RSF1: variants seen among roughly 807,000 people sequenced by gnomAD.
RSF1 encodes remodeling and spacing factor 1.
Under a neutral mutation model 145.2 loss-of-function variants are expected in RSF1, and 13 were observed. The ratio of observed to expected loss-of-function variants is 0.09; its 90% confidence interval spans 0.06 to 0.14. The LOEUF is 0.14. Ranked by LOEUF, RSF1 falls within the 10% of genes least tolerant of loss-of-function variation. The pLI is 1.00. For missense variants in RSF1, 1,517 were observed against 1,718.2 expected, an observed-to-expected ratio of 0.88 and a Z score of 2.07; for synonymous variants, 577 against 592.6, an observed-to-expected ratio of 0.97 and a Z score of 0.38.
rs372697102 is a variant in RSF1 at position 77,819,001 on chromosome 11, T to G, written c.187+1527A>C. On this transcript the variant is annotated intron_variant, in intron 1 of 15. Coordinates refer to ENST00000308488, the MANE Select transcript of RSF1 (RefSeq NM_016578.4). The stretch of plus-strand genomic sequence containing the variant: ...ACAGGTAAGAACAGATTACTAGGCT[T>G]ATATTATAACTGCTGTATTAATTTG... 4.9e-3 allele frequency among the ~76,000 whole-genome samples: 754 copies of G among 152,334 alleles called. 9 individuals are homozygous for G. Among genetic ancestry groups the G allele is most frequent in the African/African-American group, 0.017 (709 of 41,572 alleles).
intron 1 of RSF1, among the ~76,000 whole-genome samples, chr11:77,782,366 C>T (rs932923990): frequency 6.6e-6 from 1 of 151,888 alleles, no homozygotes; most frequent in Non-Finnish European, 1.5e-5. Context: ...CATGGCAAAA[C>T]CCCGTCTCTA....
At position 77,725,590 on chromosome 11, in the gene RSF1, A is replaced by C; in HGVS notation, c.688T>G (p.Leu230Val). 1 of 1,607,722 alleles carries C rather than the reference A, an allele frequency of 6.2e-7. No individual in the cohort carries two copies. The highest frequency in any genetic ancestry group is 1.3e-5 in the African/African-American group (1 of 74,880). ...TCTTTTTTAGTCTCCTCATCCTCTA[A>C]GCTGGGACTTTCCCGAGAAGAGTTG... ...QDNSSRESPSLEDEETKKEEE... is the reference protein window; with the variant it reads ...QDNSSRESPSVEDEETKKEEE... The change falls in exon 5 of 16, where the codon TTA becomes GTA. Residue 230 changes from leucine to valine, a missense_variant. Leu to Val is a conservative substitution (Grantham distance 32). Around this residue, in one of 12 missense-constraint regions of RSF1, gnomAD observed 207 missense variants for 191.4 expected, o/e 1.08. Transcript: ENST00000308488.
In RSF1 at chr11:77,700,710, A is replaced by AC; in HGVS notation, c.2508+10dup. ...ACAAATATTTTTAATTAAAGTTAAG[A>AC]CAAGTTTTACCTTGCTTACTTTAGA... On this transcript the variant is annotated intron_variant, in intron 6 of 15. Coordinates refer to ENST00000308488, the MANE Select transcript of RSF1 (RefSeq NM_016578.4). The AC allele has an allele frequency of 6.5e-7, 1 of 1,539,836 alleles. No individual in the cohort carries two copies. The highest frequency in any genetic ancestry group is 8.7e-7 in the Non-Finnish European group (1 of 1,151,072).
At chr11:77,869,712 C>T in the RSF1 span, 29 of 1,612,994 alleles carry the variant, frequency 1.8e-5, no homozygotes, top group Admixed American at 3.0e-4. Flanking sequence ...CTTTCTCTTT[C>T]CACATCCAGC....
chr11:77,857,489 T>C, the RSF1 span, among the ~76,000 whole-genome samples: 1 of 152,198 alleles, frequency 6.6e-6, no homozygotes, highest in African/African-American at 2.4e-5. Context: ...TGTAGGAAGC[T>C]CTAAAGTCAT....
chr11:77,810,388 T>C (rs188702015), intron 1 of RSF1, among the ~76,000 whole-genome samples: 1 of 152,224 alleles, frequency 6.6e-6, no homozygotes, highest in Non-Finnish European at 1.5e-5. Context: ...TATAATGTCA[T>C]CACCTTGTTA....
chr11:77,726,735 G>C (rs1590852567), intron 4 of RSF1, among the ~76,000 whole-genome samples: 1 of 152,240 alleles, frequency 6.6e-6, no homozygotes, highest in Non-Finnish European at 1.5e-5. Context: ...CTGATTCAAA[G>C]TGAAAACTGT....
At chr11:77,669,946 CTGCAAGA>C (rs1959476544) in intron 15 of RSF1, among the ~76,000 whole-genome samples, 1 of 152,136 alleles carries the variant, frequency 6.6e-6, no homozygotes, top group South Asian at 2.1e-4. Context: ...CAGGGCAACA[CTGCAAGA>C]TCTCATCTCT....
the RSF1 span, among the ~76,000 whole-genome samples, chr11:77,857,046 T>C: frequency 2.6e-5 from 4 of 152,228 alleles, no homozygotes; most frequent in Admixed American, 1.3e-4. Context: ...TAATTCACTA[T>C]GAAGTAATAG....
intron 13 of RSF1, 105 bp from the exon 14 acceptor site, chr11:77,675,361 T>C: frequency 2.6e-6 from 2 of 762,322 alleles, no homozygotes; most frequent in Non-Finnish European, 4.1e-6. Flanking sequence ...TCATTAAGTA[T>C]AGTGCAACAT....
At chr11:77,845,080 C>T in the RSF1 span, among the ~76,000 whole-genome samples, 1 of 152,018 alleles carries the variant, frequency 6.6e-6, no homozygotes, top group Non-Finnish European at 1.5e-5. Context: ...GTATGGATAT[C>T]TTTGAGTTTG....
At chr11:77,803,944 G>T (rs917494026) in intron 1 of RSF1, among the ~76,000 whole-genome samples, 1 of 152,158 alleles carries the variant, frequency 6.6e-6, no homozygotes, top group African/African-American at 2.4e-5. Flanking sequence ...AACTGGGCAT[G>T]GTAACATGTG....
At position 77,675,139 on chromosome 11, in the gene RSF1, A is replaced by T; in HGVS notation, c.3459T>A (p.Ser1153=). ...AACGCCTGCTCTGCCTCATTGGCCG[A>T]GAGGGGTGTCGCCTCAGTCTACGGC... The part of the protein sequence containing the change: ...FCSRRLRRHP[S]RPMRQSRRLR... Residue 1153 remains serine, a synonymous_variant, in exon 14 of 16, where the codon TCT becomes TCA. Coordinates refer to ENST00000308488, the MANE Select transcript of RSF1 (RefSeq NM_016578.4). 5.0e-6 allele frequency: 8 copies of T among 1,614,102 alleles called. No individual in the cohort carries two copies. Among genetic ancestry groups the T allele is most frequent in the Non-Finnish European group, 6.8e-6 (8 of 1,180,026 alleles).
At chr11:77,796,198 A>G (rs928587513) in intron 1 of RSF1, among the ~76,000 whole-genome samples, 1 of 152,172 alleles carries the variant, frequency 6.6e-6, no homozygotes, top group Non-Finnish European at 1.5e-5. Context: ...CCTGGCAGAG[A>G]CACAACAAAA....
In RSF1 at chr11:77,740,720, A is replaced by C. The variant is rs182120523; in HGVS notation, c.578+11T>G. The C allele has an allele frequency of 1.2e-6, 2 of 1,608,928 alleles. No individual in the cohort carries two copies. Among genetic ancestry groups the C allele is most frequent in the Non-Finnish European group, 1.7e-6 (2 of 1,175,504 alleles). On this transcript the variant is annotated intron_variant, in intron 4 of 15. Transcript: ENST00000308488. ...CACAAATAAGTGTAAAAAGGTTCCA[A>C]TAAAAGATACCTGACAATGCATTTC...
chr11:77,758,501 T>C (rs564167751), intron 2 of RSF1, among the ~76,000 whole-genome samples: 6 of 152,334 alleles, frequency 3.9e-5, no homozygotes, highest in Non-Finnish European at 8.8e-5. Flanking sequence ...GCAATTCTGA[T>C]GAGCTTTATG....
At chr11:77,703,887 C>T (rs61397357) in intron 5 of RSF1, among the ~76,000 whole-genome samples, 27,581 of 152,168 alleles carry the variant, frequency 0.18, 3,184 homozygotes, top group African/African-American at 0.31. Context: ...CTCTTTCCCA[C>T]TGATAAAACA....
At chr11:77,682,382 C>T (rs919175911) in intron 11 of RSF1, among the ~76,000 whole-genome samples, 2 of 152,098 alleles carry the variant, frequency 1.3e-5, no homozygotes, top group Admixed American at 6.6e-5. Flanking sequence ...GTTATCCCAG[C>T]AGATTTTAGA....
At chr11:77,670,035 T>A (rs1590819864) in intron 15 of RSF1, among the ~76,000 whole-genome samples, 2 of 152,198 alleles carry the variant, frequency 1.3e-5, no homozygotes, top group African/African-American at 4.8e-5. Flanking sequence ...CTGAGGCAGG[T>A]GGACTGCTTG....
Sources: gnomAD v4.1 joint callset for allele counts (sites outside exome capture counted in the v4.1 genomes callset) on GRCh38, gnomAD v4.1.1 for gene constraint, gnomAD v4.1.1 regional missense constraint, MANE v1.5 for transcripts, NCBI Gene and HGNC (gene_info 2026-07-23, HGNC 2026-07-21) for gene names.